Variants in IFT57 observed in about 807,000 individuals in gnomAD.
IFT57 encodes intraflagellar transport 57.
A neutral mutation model predicts 56.8 loss-of-function variants in IFT57; 59 were observed. The ratio of observed to expected loss-of-function variants is 1.04; its 90% confidence interval spans 0.84 to 1.29. The LOEUF is 1.29. Among genes scored for constraint, IFT57 ranks in the 50% most tolerant of loss-of-function variants. The pLI is 0.00. For synonymous variants in IFT57, 209 were observed against 186.1 expected (o/e 1.12, Z -1.00); for missense variants, 470 against 522.1 (o/e 0.90, Z 0.97).
intron 1 of IFT57, among the ~76,000 whole-genome samples, chr3:108,220,490 T>C (rs555537024): frequency 9.2e-5 from 14 of 152,324 alleles, no homozygotes; most frequent in African/African-American, 2.9e-4. Context: ...GTAAATGTTC[T>C]GGAAGATAAC....
intron 6 of IFT57, among the ~76,000 whole-genome samples, chr3:108,175,086 G>T (rs969445404): frequency 2.6e-5 from 4 of 151,564 alleles, no homozygotes; most frequent in African/African-American, 9.7e-5. Context: ...GCTTTTTTGG[G>T]GGATAAAATA....
intron 6 of IFT57, among the ~76,000 whole-genome samples, chr3:108,169,667 G>A (rs1019977292): frequency 1.3e-5 from 2 of 151,920 alleles, no homozygotes; most frequent in Non-Finnish European, 2.9e-5. Context: ...TTTGTATAAG[G>A]TGTAAGGAAG....
chr3:108,178,342 A>C (rs2080134861), intron 6 of IFT57, among the ~76,000 whole-genome samples: 1 of 151,916 alleles, frequency 6.6e-6, no homozygotes, highest in South Asian at 2.1e-4. Context: ...AAAAGAAAAC[A>C]GTCTGAGAAT....
chr3:108,171,362 G>A (rs998643708), intron 6 of IFT57, among the ~76,000 whole-genome samples: 4 of 151,804 alleles, frequency 2.6e-5, no homozygotes, highest in Admixed American at 2.0e-4. Context: ...ACACATACTG[G>A]CAGTTTGACG....
rs111640670 is a variant in IFT57 at position 108,162,343 on chromosome 3, T to C, written c.*134A>G. On this transcript the variant is annotated 3_prime_UTR_variant, in exon 11 of 11. Transcript: ENST00000264538. Reference sequence around the variant, plus strand: ...AAGGCTTTAACCATCATAATCACCATGATATAATATGTGAGTATGTATATG... The same window carrying C: ...AAGGCTTTAACCATCATAATCACCACGATATAATATGTGAGTATGTATATG... 2 of 578,862 alleles carry C rather than the reference T, an allele frequency of 3.5e-6. No individual in the cohort carries two copies. Among genetic ancestry groups the C allele is most frequent in the Admixed American group, 6.7e-5 (2 of 29,636 alleles). The allele number at this position is 578,862 out of a possible 1,614,324, so 35.9% of individuals were successfully genotyped here. A position where few individuals can be genotyped will look rare whatever the true frequency, so the allele number is the denominator to read the frequency against.
chr3:108,183,997 T>C (rs1185371113), intron 6 of IFT57, among the ~76,000 whole-genome samples: 3 of 152,282 alleles, frequency 2.0e-5, no homozygotes, highest in South Asian at 2.1e-4. Context: ...AAAGTTTATA[T>C]GTTACTATAA....
At chr3:108,214,400 T>G (rs1292312886) in intron 3 of IFT57, among the ~76,000 whole-genome samples, 1 of 152,130 alleles carries the variant, frequency 6.6e-6, no homozygotes, top group Non-Finnish European at 1.5e-5. Flanking sequence ...TTCTAATTAT[T>G]TTGCTGGACA....
intron 6 of IFT57, among the ~76,000 whole-genome samples, chr3:108,169,994 T>G (rs36131051): frequency 0.13 from 20,410 of 152,032 alleles, 1,910 homozygotes; most frequent in Non-Finnish European, 0.2. Context: ...TGATGGAACA[T>G]ATCTCAAAAT....
intron 5 of IFT57, among the ~76,000 whole-genome samples, chr3:108,192,082 G>A (rs967495361): frequency 2.1e-5 from 3 of 146,272 alleles, no homozygotes; most frequent in Non-Finnish European, 3.0e-5. Flanking sequence ...TGAGGCAGGA[G>A]AATGGAGTAA....
chr3:108,173,997 A>AATGTGT (rs59994463), intron 6 of IFT57, among the ~76,000 whole-genome samples: 2,581 of 100,696 alleles, frequency 0.026, 189 homozygotes, highest in East Asian at 0.064. Flanking sequence ...CATATATTTG[A>AATGTGT]GTGTGTGTGT....
At chr3:108,193,755 G>A (rs1393537879) in intron 5 of IFT57, among the ~76,000 whole-genome samples, 1 of 152,172 alleles carries the variant, frequency 6.6e-6, no homozygotes, top group African/African-American at 2.4e-5. Context: ...GGGTCTCTGT[G>A]TCAAAACCTA....
intron 5 of IFT57, among the ~76,000 whole-genome samples, chr3:108,202,654 A>T (rs1223348880): frequency 6.6e-6 from 1 of 152,246 alleles, no homozygotes; most frequent in African/African-American, 2.4e-5. Context: ...CTGAAAATTC[A>T]AGTAATTAAA....
intron 5 of IFT57, among the ~76,000 whole-genome samples, chr3:108,201,239 T>C (rs568314195): frequency 1.6e-3 from 241 of 152,312 alleles, no homozygotes; most frequent in Non-Finnish European, 2.7e-3. Context: ...TGAAAAGTCC[T>C]TGCTTCCTAC....
At chr3:108,200,235 AT>A (rs2080270045) in intron 5 of IFT57, among the ~76,000 whole-genome samples, 1 of 152,146 alleles carries the variant, frequency 6.6e-6, no homozygotes, top group Non-Finnish European at 1.5e-5. Context: ...TGGGGGTGGG[AT>A]TGAAAGAGGA....
chr3:108,177,253 C>T lies in IFT57; in HGVS notation c.778-9389G>A, dbSNP rs1250408266. ...TGTTATCAGAAAAAATATCCAGACC[C>T]CAGATGGCTTCATTATCTTCCCAAA... On this transcript the variant is annotated intron_variant, in intron 6 of 10. Coordinates refer to ENST00000264538, the MANE Select transcript of IFT57 (RefSeq NM_018010.4). Among the ~76,000 whole-genome samples the T allele has an allele frequency of 5.9e-4, 89 of 151,540 alleles. 3 individuals carry two copies. The highest frequency in any genetic ancestry group is 3.0e-5 in the Non-Finnish European group (2 of 67,754).
chr3:108,221,822 TTG>T (rs2080407486), intron 1 of IFT57, among the ~76,000 whole-genome samples: 1 of 152,170 alleles, frequency 6.6e-6, no homozygotes, highest in Non-Finnish European at 1.5e-5. Context: ...AAAATATAGT[TTG>T]TGTTTTCTGG....
chr3:108,186,981 G>C lies in IFT57; in HGVS notation c.777+4540C>G, dbSNP rs951900171. Among the ~76,000 whole-genome samples, 5 of 152,102 alleles carry C rather than the reference G, an allele frequency of 3.3e-5. No homozygotes were observed. In the East Asian group the frequency reaches 9.6e-4, roughly 29 times the overall value. On this transcript the variant is annotated intron_variant, in intron 6 of 10. Coordinates refer to ENST00000264538, the MANE Select transcript of IFT57 (RefSeq NM_018010.4). Reference sequence around the variant, plus strand: ...AACATACAAAATATCTGTTAATTGTGTATGTTATTAGTAAGGTGTCCAGCC... The same window carrying C: ...AACATACAAAATATCTGTTAATTGTCTATGTTATTAGTAAGGTGTCCAGCC...
intron 4 of IFT57, among the ~76,000 whole-genome samples, chr3:108,210,275 A>G (rs971006473): frequency 3.3e-5 from 5 of 151,780 alleles, no homozygotes; most frequent in Non-Finnish European, 7.4e-5. Context: ...GCAGTTCAAA[A>G]TTAAAAGTTT....
At chr3:108,188,104 C>G (rs902597939) in intron 6 of IFT57, among the ~76,000 whole-genome samples, 20 of 151,940 alleles carry the variant, frequency 1.3e-4, no homozygotes, top group African/African-American at 4.1e-4. Context: ...CACCCCACAA[C>G]AGGCCCCAGT....
Sources: allele counts gnomAD v4.1 joint callset (sites outside exome capture counted in the v4.1 genomes callset), GRCh38; gene constraint gnomAD v4.1.1; transcripts MANE v1.5; gene names NCBI Gene and HGNC (gene_info 2026-07-23, HGNC 2026-07-21).